Variants in GTF2IRD1 observed in about 807,000 individuals in gnomAD.
The protein encoded by GTF2IRD1 is GTF2I repeat domain containing 1.
Under a neutral mutation model 113.2 loss-of-function variants are expected in GTF2IRD1, and 26 were observed. That is an observed-to-expected ratio of 0.23 (90% CI 0.17 to 0.32). The LOEUF is 0.32. Ranked by LOEUF, GTF2IRD1 falls within the 10% of genes least tolerant of loss-of-function variation. The pLI, the probability that GTF2IRD1 is intolerant of heterozygous loss-of-function variation, is 1.00. For missense variants in GTF2IRD1, 864 were observed against 1,280.8 expected (o/e 0.67, Z 4.97); for synonymous variants, 484 against 529.1 (o/e 0.91, Z 1.17).
At chr7:74,463,267 G>A (rs1018365336) in intron 1 of GTF2IRD1, among the ~76,000 whole-genome samples, 3 of 152,118 alleles carry the variant, frequency 2.0e-5, no homozygotes, top group Non-Finnish European at 4.4e-5. Flanking sequence ...ACAGGGTCTC[G>A]TTCTGTCACC....
At chr7:74,550,134 T>C (rs1365256230) in intron 17 of GTF2IRD1, among the ~76,000 whole-genome samples, 3 of 151,956 alleles carry the variant, frequency 2.0e-5, no homozygotes, top group African/African-American at 7.3e-5. Flanking sequence ...AGGCAGAGGT[T>C]GCAGTGAGCC....
intron 1 of GTF2IRD1, among the ~76,000 whole-genome samples, chr7:74,467,874 A>G (rs970235300): frequency 2.0e-5 from 3 of 151,974 alleles, no homozygotes; most frequent in African/African-American, 2.4e-5. Context: ...TTGTATTTTT[A>G]GTAGAGACGG....
chr7:74,602,323 T>C, intron 26 of GTF2IRD1, 42 bp from the exon 27 acceptor site: 1 of 1,597,610 alleles, frequency 6.3e-7, no homozygotes. Flanking sequence ...TTGTTCCGCA[T>C]CACCTGGAGT....
intron 9 of GTF2IRD1, 121 bp downstream of exon 9, chr7:74,530,038 C>T (rs587757189): frequency 1.2e-5 from 8 of 664,316 alleles, no homozygotes; most frequent in East Asian, 8.8e-5. Flanking sequence ...GGCAAAACCC[C>T]GTCTCTATTA....
chr7:74,552,236 G>T (rs1799351175), intron 17 of GTF2IRD1, among the ~76,000 whole-genome samples: 1 of 152,120 alleles, frequency 6.6e-6, no homozygotes, highest in African/African-American at 2.4e-5. Context: ...AAGAAAAATA[G>T]GCCAGGAGAG....
chr7:74,602,220 C>A, intron 26 of GTF2IRD1, 145 bp from the exon 27 acceptor site: 2 of 942,614 alleles, frequency 2.1e-6, no homozygotes, highest in Non-Finnish European at 2.9e-6. Flanking sequence ...CCAGCCTGGG[C>A]AGAAGAGTGA....
At chr7:74,482,472 C>T (rs541050020) in intron 1 of GTF2IRD1, among the ~76,000 whole-genome samples, 59 of 152,228 alleles carry the variant, frequency 3.9e-4, no homozygotes, top group South Asian at 2.1e-3. Context: ...AAGTGGTCCT[C>T]CTGCCTCAGC....
At chr7:74,574,789 A>T (rs1426695071) in intron 22 of GTF2IRD1, among the ~76,000 whole-genome samples, 3 of 140,304 alleles carry the variant, frequency 2.1e-5, no homozygotes, top group East Asian at 2.0e-4. Context: ...AACACTGATT[A>T]AAAAAAAAAA....
intron 17 of GTF2IRD1, among the ~76,000 whole-genome samples, chr7:74,550,457 G>A (rs1799243720): frequency 6.6e-6 from 1 of 151,720 alleles, no homozygotes; most frequent in Admixed American, 6.6e-5. Flanking sequence ...GCTTGGTGGT[G>A]TGCACCTGTA....
chr7:74,548,199 C>T (rs1799073879), intron 17 of GTF2IRD1, among the ~76,000 whole-genome samples: 1 of 151,926 alleles, frequency 6.6e-6, no homozygotes, highest in African/African-American at 2.4e-5. Flanking sequence ...GGGTGGATCA[C>T]GAGGTCAGGA....
chr7:74,513,484 T>A (rs1584565598), intron 3 of GTF2IRD1, among the ~76,000 whole-genome samples: 1 of 152,128 alleles, frequency 6.6e-6, no homozygotes, highest in East Asian at 1.9e-4. Flanking sequence ...TTTGTATTTT[T>A]AGTAGAGACG....
At chr7:74,456,381 G>A (rs1396556545) in intron 1 of GTF2IRD1, among the ~76,000 whole-genome samples, 8 of 152,076 alleles carry the variant, frequency 5.3e-5, no homozygotes, top group Admixed American at 2.0e-4. Flanking sequence ...TTCCTCAGCC[G>A]ACTCATAAAT....
At chr7:74,502,721 G>A (rs1796093081) in intron 1 of GTF2IRD1, among the ~76,000 whole-genome samples, 1 of 152,224 alleles carries the variant, frequency 6.6e-6, no homozygotes, top group Non-Finnish European at 1.5e-5. Flanking sequence ...CAAATCTGCT[G>A]CTGTCTGGGC....
At chr7:74,600,290 G>A (rs1338370022) in intron 25 of GTF2IRD1, among the ~76,000 whole-genome samples, 5 of 151,838 alleles carry the variant, frequency 3.3e-5, no homozygotes, top group South Asian at 2.1e-4. Context: ...ATGGTGGCGC[G>A]CACGTATAGT....
intron 16 of GTF2IRD1, 125 bp from the exon 17 acceptor site, chr7:74,546,976 CAG>C (rs1798980618): frequency 1.2e-6 from 1 of 809,762 alleles, no homozygotes; most frequent in South Asian, 1.7e-5. Context: ...TTCCACATCC[CAG>C]GAAAGCTGGC....
At chr7:74,528,116 G>GC (rs1455634994) in intron 8 of GTF2IRD1, among the ~76,000 whole-genome samples, 1 of 152,222 alleles carries the variant, frequency 6.6e-6, no homozygotes, top group African/African-American at 2.4e-5. Context: ...CTAATCTCAA[G>GC]CTTGGGCACT....
chr7:74,454,495 C>T (rs1334839129), intron 1 of GTF2IRD1, among the ~76,000 whole-genome samples: 1 of 152,058 alleles, frequency 6.6e-6, no homozygotes, highest in Non-Finnish European at 1.5e-5. Context: ...CCGCAGGCTG[C>T]TGCAGTTGGC....
chr7:74,478,349 G>A (rs568645604), intron 1 of GTF2IRD1, among the ~76,000 whole-genome samples: 5 of 152,324 alleles, frequency 3.3e-5, no homozygotes, highest in African/African-American at 9.6e-5. Flanking sequence ...CAGGCCCAGC[G>A]CCAGGCCCTG....
At chr7:74,496,540 TGG>T (rs1795728686) in intron 1 of GTF2IRD1, among the ~76,000 whole-genome samples, 2 of 143,516 alleles carry the variant, frequency 1.4e-5, no homozygotes, top group Admixed American at 7.0e-5. Context: ...CATGTATGTG[TGG>T]GTGTGTGCGT....
Sources: gnomAD v4.1 joint callset for allele counts (sites outside exome capture counted in the v4.1 genomes callset) on GRCh38, gnomAD v4.1.1 for gene constraint, MANE v1.5 for transcripts, NCBI Gene and HGNC (gene_info 2026-07-23, HGNC 2026-07-21) for gene names.